Variants in CCDC102B observed in about 807,000 individuals in gnomAD.
The protein encoded by CCDC102B is coiled-coil domain-containing protein 102B.
CCDC102B carries 75 observed loss-of-function variants against 57.4 expected under a neutral mutation model. The observed-to-expected ratio is 1.31, with a 90% CI of 1.08 to 1.58. The LOEUF (loss-of-function observed/expected upper bound fraction) is 1.58, where lower values mean the gene tolerates loss of function less well. Ranked by LOEUF, CCDC102B falls within the 40% of genes most tolerant of loss-of-function variation. The pLI, the probability that CCDC102B is intolerant of heterozygous loss-of-function variation, is 0.00. For missense variants in CCDC102B, 636 were observed against 582.6 expected, an observed-to-expected ratio of 1.09 and a Z score of -0.94; for synonymous variants, 206 against 201.9, an observed-to-expected ratio of 1.02 and a Z score of -0.17.
chr18:68,737,729 C>T (rs571289480), intron 2 of CCDC102B, among the ~76,000 whole-genome samples: 24 of 152,258 alleles, frequency 1.6e-4, no homozygotes, highest in Admixed American at 1.1e-3. Flanking sequence ...AGCCCTGTTT[C>T]TTCATGATTA....
chr18:68,991,630 T>A (rs2050869925), intron 6 of CCDC102B, among the ~76,000 whole-genome samples: 1 of 152,214 alleles, frequency 6.6e-6, no homozygotes, highest in Admixed American at 6.5e-5. Flanking sequence ...TAACTTAATA[T>A]TTGCAAGCTC....
chr18:68,825,501 C>G (rs895034215), intron 1 of CCDC102B, among the ~76,000 whole-genome samples: 1 of 152,000 alleles, frequency 6.6e-6, no homozygotes, highest in Non-Finnish European at 1.5e-5. Flanking sequence ...ACCAGCATGG[C>G]CAACATAGCA....
chr18:68,766,744 G>A (rs986310218), intron 2 of CCDC102B, among the ~76,000 whole-genome samples: 3 of 152,132 alleles, frequency 2.0e-5, no homozygotes, highest in Non-Finnish European at 4.4e-5. Context: ...AAATCAAAAG[G>A]TATGAGTCTG....
intron 6 of CCDC102B, among the ~76,000 whole-genome samples, chr18:69,007,898 C>A (rs1390374971): frequency 1.3e-5 from 2 of 152,182 alleles, no homozygotes; most frequent in African/African-American, 4.8e-5. Context: ...CTTCCTCTTT[C>A]CTCTTTCCTT....
chr18:68,817,833 C>G (rs2036543902), intron 1 of CCDC102B, among the ~76,000 whole-genome samples: 1 of 152,034 alleles, frequency 6.6e-6, no homozygotes, highest in Admixed American at 6.6e-5. Context: ...TAATGAAATT[C>G]TCCTTATCTG....
At chr18:68,934,139 A>C (rs967907185) in intron 6 of CCDC102B, among the ~76,000 whole-genome samples, 1 of 151,986 alleles carries the variant, frequency 6.6e-6, no homozygotes, top group African/African-American at 2.4e-5. Flanking sequence ...CTTATAGTAA[A>C]CTAGTAATTT....
intron 6 of CCDC102B, among the ~76,000 whole-genome samples, chr18:69,008,971 T>A (rs1202513774): frequency 6.6e-6 from 1 of 152,354 alleles, no homozygotes; most frequent in African/African-American, 2.4e-5. Flanking sequence ...TAGTTTCCAA[T>A]ATTCACTGTA....
At chr18:68,925,462 G>A (rs1359510616) in intron 6 of CCDC102B, among the ~76,000 whole-genome samples, 1 of 151,962 alleles carries the variant, frequency 6.6e-6, no homozygotes, top group Non-Finnish European at 1.5e-5. Flanking sequence ...CTCCACTGAG[G>A]GGTAGGGGGT....
At chr18:69,018,898 C>T (rs1444326742) in intron 7 of CCDC102B, among the ~76,000 whole-genome samples, 1 of 152,106 alleles carries the variant, frequency 6.6e-6, no homozygotes, top group South Asian at 2.1e-4. Context: ...AATTTCAGAT[C>T]TCATTTCTAA....
chr18:68,998,517 C>T (rs1396721869), intron 6 of CCDC102B, among the ~76,000 whole-genome samples: 2 of 150,968 alleles, frequency 1.3e-5, no homozygotes, highest in Non-Finnish European at 2.9e-5. Context: ...TGACTCACAC[C>T]ATCACAAGGT....
intron 7 of CCDC102B, among the ~76,000 whole-genome samples, chr18:69,014,603 TG>T (rs1048191247): frequency 1.3e-5 from 2 of 149,910 alleles, no homozygotes; most frequent in African/African-American, 4.9e-5. Context: ...GTGTGTGTGT[TG>T]GGGGGGCGGG....
chr18:68,833,279 C>T (rs1216802303), intron 1 of CCDC102B, among the ~76,000 whole-genome samples: 3 of 151,904 alleles, frequency 2.0e-5, no homozygotes, highest in African/African-American at 7.3e-5. Context: ...AATAATAGTA[C>T]TGACTATTCC....
rs990180601 is a variant in CCDC102B at position 68,838,654 on chromosome 18, C to A, written c.607-52C>A. 11 of 1,576,832 alleles carry A rather than the reference C, an allele frequency of 7.0e-6. No homozygotes were observed. In the East Asian group the frequency reaches 2.0e-4, roughly 29 times the overall value. ...TTTCTTTATGAAAATGTTTTGTCATCATGATTTTTCTCCAGGAGGTTTAAA... is the reference window on the plus strand; with the variant it reads ...TTTCTTTATGAAAATGTTTTGTCATAATGATTTTTCTCCAGGAGGTTTAAA... On this transcript the variant is annotated intron_variant, in intron 2 of 7. Transcript: ENST00000360242.
chr18:69,055,245 TCC>T, downstream of CCDC102B: 1 of 749,814 alleles, frequency 1.3e-6, no homozygotes, highest in Non-Finnish European at 1.6e-6. Context: ...CCTGTTTCTC[TCC>T]CAAACATGGG....
chr18:68,834,383 C>A (rs2037272211), intron 1 of CCDC102B, among the ~76,000 whole-genome samples: 2 of 147,762 alleles, frequency 1.4e-5, no homozygotes, highest in Non-Finnish European at 3.0e-5. Context: ...AAAGAAATAT[C>A]ATTAAATAGT....
intron 6 of CCDC102B, among the ~76,000 whole-genome samples, chr18:68,936,715 A>C (rs539432526): frequency 1.3e-5 from 2 of 151,692 alleles, no homozygotes; most frequent in African/African-American, 4.8e-5. Context: ...ATTGTTCTTT[A>C]GACAGTTCAG....
chr18:68,949,870 A>T (rs958923689), intron 6 of CCDC102B, among the ~76,000 whole-genome samples: 1 of 152,156 alleles, frequency 6.6e-6, no homozygotes, highest in Non-Finnish European at 1.5e-5. Flanking sequence ...CTAATAAATT[A>T]AAAAATTGGA....
At chr18:68,723,208 C>T (rs926335041) in intron 2 of CCDC102B, among the ~76,000 whole-genome samples, 2 of 152,010 alleles carry the variant, frequency 1.3e-5, no homozygotes, top group Admixed American at 1.3e-4. Context: ...AAAACTGCCC[C>T]CATGATTAAA....
chr18:68,756,880 GGTGTGTGT>G (rs34070734), intron 2 of CCDC102B, among the ~76,000 whole-genome samples: 1 of 150,252 alleles, frequency 6.7e-6, no homozygotes, highest in Non-Finnish European at 1.5e-5. Flanking sequence ...TGCTATATCT[GGTGTGTGT>G]GTGTGTGTGT....
Sources: allele counts gnomAD v4.1 joint callset (sites outside exome capture counted in the v4.1 genomes callset), GRCh38; gene constraint gnomAD v4.1.1; transcripts MANE v1.5; gene names NCBI Gene and HGNC (gene_info 2026-07-23, HGNC 2026-07-21).